The following JPH3 variants were observed in gnomAD, a reference collection of about 807,000 sequenced individuals.
JPH3 encodes the protein junctophilin-3.
A neutral mutation model predicts 59.6 loss-of-function variants in JPH3; 11 were observed. The ratio of observed to expected loss-of-function variants is 0.18; its 90% CI spans 0.12 to 0.31. The LOEUF (loss-of-function observed/expected upper bound fraction) is 0.31, where lower values mean the gene tolerates loss of function less well. JPH3 is among the 10% of genes least tolerant of loss of function. JPH3 has a pLI of 1.00. For missense variants in JPH3, 1,202 were observed against 1,105.7 expected (o/e 1.09, Z -1.24); for synonymous variants, 673 against 483.6 (o/e 1.39, Z -5.14).
At chr16:87,649,385 G>A (rs748553) in intron 2 of JPH3, among the ~76,000 whole-genome samples, 14,948 of 152,290 alleles carry the variant, frequency 0.098, 860 homozygotes, top group Middle Eastern at 0.14. Context: ...ACCTTTGCAC[G>A]GCGCTGCCTG....
At chr16:87,617,903 C>G (rs1037368589) in intron 1 of JPH3, among the ~76,000 whole-genome samples, 11 of 152,180 alleles carry the variant, frequency 7.2e-5, no homozygotes, top group Non-Finnish European at 1.5e-4. Context: ...TGGCTCATGC[C>G]TGTAATCCCA....
At chr16:87,687,910 C>T (rs1435292809) in intron 3 of JPH3, among the ~76,000 whole-genome samples, 1 of 151,672 alleles carries the variant, frequency 6.6e-6, no homozygotes, top group Non-Finnish European at 1.5e-5. Flanking sequence ...ACAGGAATGC[C>T]AGCCCCTTGG....
intron 2 of JPH3, among the ~76,000 whole-genome samples, chr16:87,649,733 C>T (rs146362464): frequency 5.9e-5 from 9 of 152,304 alleles, no homozygotes; most frequent in Non-Finnish European, 1.0e-4. Flanking sequence ...TTCTCCTTCC[C>T]GTCCCCCTCC....
upstream of JPH3, chr16:87,602,079 G>C (rs2030217123): frequency 1.3e-5 from 2 of 152,198 alleles, no homozygotes; most frequent in African/African-American, 4.8e-5. Flanking sequence ...GGCGGGAGGG[G>C]CGAGGCGCGG....
At chr16:87,680,752 G>A (rs754266338) in intron 2 of JPH3, among the ~76,000 whole-genome samples, 3 of 152,230 alleles carry the variant, frequency 2.0e-5, no homozygotes, top group Admixed American at 6.5e-5. Context: ...ATGACAAACC[G>A]CTGCAGTGCG....
chr16:87,639,334 C>A (rs544315777), intron 1 of JPH3, among the ~76,000 whole-genome samples: 1 of 152,260 alleles, frequency 6.6e-6, no homozygotes, highest in East Asian at 1.9e-4. Context: ...CTCCTAGCCC[C>A]TTCCTGACCC....
At chr16:87,639,702 C>G (rs527949590) in intron 1 of JPH3, among the ~76,000 whole-genome samples, 1 of 151,842 alleles carries the variant, frequency 6.6e-6, no homozygotes, top group African/African-American at 2.4e-5. Context: ...ACCCTCCGTT[C>G]TACTTTCTGT....
intron 3 of JPH3, among the ~76,000 whole-genome samples, chr16:87,688,352 TG>T (rs2033468219): frequency 6.6e-6 from 1 of 152,204 alleles, no homozygotes; most frequent in African/African-American, 2.4e-5. Flanking sequence ...CAGCCCAGCC[TG>T]GTGGCGTCGC....
At chr16:87,667,618 C>T (rs142119746) in intron 2 of JPH3, among the ~76,000 whole-genome samples, 1 of 152,268 alleles carries the variant, frequency 6.6e-6, no homozygotes, top group East Asian at 1.9e-4. Context: ...TAGTCCTCAC[C>T]TGTGACAGCG....
intron 2 of JPH3, among the ~76,000 whole-genome samples, chr16:87,677,331 C>G (rs561073010): frequency 5.4e-5 from 8 of 149,256 alleles, no homozygotes; most frequent in Non-Finnish European, 4.4e-5. Flanking sequence ...TGCAGTGAGC[C>G]GTGATCATGC....
intron 2 of JPH3, 76 bp from the exon 3 acceptor site, chr16:87,684,066 T>C: frequency 9.2e-7 from 1 of 1,087,156 alleles, no homozygotes; most frequent in Non-Finnish European, 1.4e-6. Flanking sequence ...GTTGGGGGGT[T>C]GGCAGAGTAC....
At chr16:87,643,605 A>G (rs2032028693) in intron 1 of JPH3, among the ~76,000 whole-genome samples, 1 of 152,140 alleles carries the variant, frequency 6.6e-6, no homozygotes, top group South Asian at 2.1e-4. Flanking sequence ...TTAGCCTCCT[A>G]ACCCAGGACG....
chr16:87,624,559 G>T (rs2031301559), intron 1 of JPH3, among the ~76,000 whole-genome samples: 2 of 152,238 alleles, frequency 1.3e-5, no homozygotes, highest in African/African-American at 4.8e-5. Flanking sequence ...CACCACTCAG[G>T]ATGGCTCATG....
intron 2 of JPH3, among the ~76,000 whole-genome samples, chr16:87,667,879 G>C (rs765834786): frequency 6.6e-6 from 1 of 152,060 alleles, no homozygotes; most frequent in Non-Finnish European, 1.5e-5. Context: ...CCCGTTCCTA[G>C]CTCCAGGCCA....
chr16:87,626,286 A>G (rs2031372740), intron 1 of JPH3, among the ~76,000 whole-genome samples: 1 of 152,164 alleles, frequency 6.6e-6, no homozygotes, highest in African/African-American at 2.4e-5. Flanking sequence ...TAACTACCCC[A>G]GGCCGCACAG....
chr16:87,605,740 G>GGC (rs2030494798), intron 1 of JPH3, among the ~76,000 whole-genome samples: 1 of 152,170 alleles, frequency 6.6e-6, no homozygotes, highest in Admixed American at 6.5e-5. Context: ...CCCGGGCTTT[G>GGC]TGATTCAGGA....
intron 1 of JPH3, among the ~76,000 whole-genome samples, chr16:87,641,044 C>T (rs956155488): frequency 4.6e-5 from 7 of 152,240 alleles, no homozygotes; most frequent in Non-Finnish European, 8.8e-5. Context: ...GGGTTTCCCC[C>T]CAGTGTGGTT....
intron 1 of JPH3, among the ~76,000 whole-genome samples, chr16:87,625,516 G>A (rs961325428): frequency 6.6e-6 from 1 of 152,192 alleles, no homozygotes; most frequent in African/African-American, 2.4e-5. Context: ...CCCTGAGCAG[G>A]AGGAGCAGGG....
intron 2 of JPH3, among the ~76,000 whole-genome samples, chr16:87,659,083 T>C (rs929959635): frequency 6.6e-6 from 1 of 152,186 alleles, no homozygotes; most frequent in Non-Finnish European, 1.5e-5. Context: ...TCGCGACGGC[T>C]GCTGGAACAG....
Sources: allele counts gnomAD v4.1 joint callset (sites outside exome capture counted in the v4.1 genomes callset), GRCh38; gene constraint gnomAD v4.1.1; transcripts MANE v1.5; gene names NCBI Gene and HGNC (gene_info 2026-07-23, HGNC 2026-07-21).